The following CHRNA9 variants were observed in gnomAD, a reference collection of about 807,000 sequenced individuals.
CHRNA9 encodes cholinergic receptor nicotinic alpha 9 subunit.
CHRNA9 carries 24 observed loss-of-function variants against 36.8 expected under a neutral mutation model. That is an observed-to-expected ratio of 0.65 (90% confidence interval 0.47 to 0.92). The LOEUF (loss-of-function observed/expected upper bound fraction) is 0.92, where lower values mean the gene tolerates loss of function less well. CHRNA9 is among the 40% of genes least tolerant of loss of function. The pLI is 0.00. For missense variants in CHRNA9, 610 were observed against 601.2 expected, an observed-to-expected ratio of 1.01 and a Z score of -0.15; for synonymous variants, 231 against 231.8, an observed-to-expected ratio of 1.00 and a Z score of 0.03.
At chr4:40,337,054 C>T (rs1712343440) in intron 2 of CHRNA9, among the ~76,000 whole-genome samples, 156 bp from the exon 3 acceptor site, 1 of 152,126 alleles carries the variant, frequency 6.6e-6, no homozygotes, top group Non-Finnish European at 1.5e-5. Context: ...GGCAGTCAAT[C>T]AAGGGGATAG....
rs1712371437 is a variant in CHRNA9, at chr4:40,337,805, G to A, written c.365+441G>A. On this transcript the variant is annotated intron_variant, in intron 3 of 4. Transcript: ENST00000310169. ...AATGGTGGTTTGCTGGCAGTCTTTG[G>A]TGTTCTTGGCATTATAGAAGCGTCA... 1.3e-5 allele frequency among the ~76,000 whole-genome samples: 2 copies of A among 152,108 alleles called. 1 individual carries two copies. Among genetic ancestry groups the A allele is most frequent in the South Asian group, 4.2e-4 (2 of 4,814 alleles).
chr4:40,339,057 C>T (rs902779852), intron 3 of CHRNA9, among the ~76,000 whole-genome samples: 1 of 152,130 alleles, frequency 6.6e-6, no homozygotes, highest in East Asian at 1.9e-4. Flanking sequence ...GCAGGTGGAT[C>T]GCCTGAGGTC....
intron 3 of CHRNA9, among the ~76,000 whole-genome samples, chr4:40,340,572 C>T (rs1712470453): frequency 6.6e-6 from 1 of 152,148 alleles, no homozygotes; most frequent in Non-Finnish European, 1.5e-5. Flanking sequence ...GATACAATAT[C>T]ATTGCTTCTC....
At chr4:40,336,743 G>A (rs1387052027) in intron 2 of CHRNA9, among the ~76,000 whole-genome samples, 1 of 152,096 alleles carries the variant, frequency 6.6e-6, no homozygotes, top group African/African-American at 2.4e-5. Flanking sequence ...GCCTCCCAAA[G>A]TGCTGGGATT....
Position 40,343,177 on chromosome 4 carries a change from T to C in CHRNA9, c.366-5705T>C, listed in dbSNP as rs140161732. On this transcript the variant is annotated intron_variant, in intron 3 of 4. Coordinates refer to ENST00000310169, the MANE Select transcript of CHRNA9 (RefSeq NM_017581.4). ...GGCTGGGAAAGTCATTTTCGCTCAA[T>C]TGCAAAACAACTAAAGTTAGCTCAG... is the stretch of plus-strand genomic sequence containing the variant. Among the ~76,000 whole-genome samples the C allele has an allele frequency of 8.5e-4, 129 of 152,278 alleles. 1 individual carries two copies. The highest frequency in any genetic ancestry group is 3.0e-3 in the African/African-American group (123 of 41,552).
intron 3 of CHRNA9, among the ~76,000 whole-genome samples, chr4:40,345,589 A>G (rs1180380843): frequency 1.3e-5 from 2 of 151,928 alleles, no homozygotes; most frequent in African/African-American, 4.8e-5. Context: ...GTGCGTGCCT[A>G]TAATTCCAGC....
intron 4 of CHRNA9, among the ~76,000 whole-genome samples, chr4:40,350,693 T>TACACACACAC (rs59972613): frequency 0.2 from 28,625 of 143,752 alleles, 2,915 homozygotes; most frequent in East Asian, 0.24. Flanking sequence ...CTTTGCAAAA[T>TACACACACAC]ACACACACAC....
At chr4:40,353,639 T>A (rs1221164696) in intron 4 of CHRNA9, among the ~76,000 whole-genome samples, 2 of 152,222 alleles carry the variant, frequency 1.3e-5, no homozygotes, top group Admixed American at 6.5e-5. Flanking sequence ...AATGGTCCCA[T>A]AAGATTATAA....
At chr4:40,348,404 T>A (rs953694913) in intron 3 of CHRNA9, among the ~76,000 whole-genome samples, 1 of 152,216 alleles carries the variant, frequency 6.6e-6, no homozygotes, top group Non-Finnish European at 1.5e-5. Context: ...ACAACTTTTT[T>A]TCTCTGAGTT....
At chr4:40,342,496 T>C (rs572226360) in intron 3 of CHRNA9, among the ~76,000 whole-genome samples, 1 of 152,030 alleles carries the variant, frequency 6.6e-6, no homozygotes, top group Admixed American at 6.6e-5. Flanking sequence ...AACTTAGAAT[T>C]AGTAGTTAAA....
intron 3 of CHRNA9, among the ~76,000 whole-genome samples, chr4:40,344,809 T>TA (rs1165862076): frequency 6.6e-6 from 1 of 152,144 alleles, no homozygotes; most frequent in South Asian, 2.1e-4. Context: ...GCTATATATG[T>TA]AAAAACTATA....
intron 4 of CHRNA9, among the ~76,000 whole-genome samples, chr4:40,352,875 T>TG (rs1346350482): frequency 1.3e-5 from 2 of 151,830 alleles, no homozygotes; most frequent in Middle Eastern, 3.2e-3. Context: ...TTCTGAGAAC[T>TG]GGTCAAGTTC....
intron 3 of CHRNA9, among the ~76,000 whole-genome samples, chr4:40,337,784 G>A (rs1243158313): frequency 2.0e-5 from 3 of 152,160 alleles, no homozygotes; most frequent in East Asian, 1.9e-4. Flanking sequence ...CTAGCTAATG[G>A]TGGTTTGCTG....
intron 4 of CHRNA9, among the ~76,000 whole-genome samples, chr4:40,350,715 C>CACACACACACAT (rs1002104672): frequency 6.6e-6 from 1 of 151,554 alleles, no homozygotes; most frequent in Non-Finnish European, 1.5e-5. Context: ...CACACACACA[C>CACACACACACAT]ACACACACAC....
In CHRNA9 at chr4:40,354,187, C is replaced by T. The variant is rs1044269755; in HGVS notation, c.1107C>T (p.His369=). 6.2e-7 allele frequency: 1 copy of T among 1,614,060 alleles called. No homozygotes were observed. Among genetic ancestry groups the T allele is most frequent in the Non-Finnish European group, 8.5e-7 (1 of 1,180,046 alleles). The change falls in exon 5 of 5, where the codon CAC becomes CAT. Residue 369 remains histidine (H), a synonymous_variant. Transcript: ENST00000310169. The part of the protein sequence containing the change: ...LSPHHSRERD[H]LTKVYSKLPE... ...CGCACCACAGTAGAGAGCGGGACCACCTCACGAAAGTTTATAGCAAACTCC... is the reference window on the plus strand; with the variant it reads ...CGCACCACAGTAGAGAGCGGGACCATCTCACGAAAGTTTATAGCAAACTCC...
intron 3 of CHRNA9, among the ~76,000 whole-genome samples, chr4:40,340,973 C>CAA (rs543449903): frequency 0.045 from 2,902 of 64,734 alleles, 204 homozygotes; most frequent in African/African-American, 0.11. Flanking sequence ...ATAAGCTCTC[C>CAA]AAAAAAAAAA....
rs373470519 is a variant in CHRNA9 at position 40,337,325 on chromosome 4, G to C, written c.326G>C (p.Ser109Thr). ...YDGLDSIRIP[S>T]DLVWRPDIVL... ...GGCCTAGACTCCATCAGGATCCCCA[G>C]TGACCTCGTGTGGAGGCCAGACATC... is the stretch of plus-strand genomic sequence containing the variant. The change falls in exon 3 of 5, where the codon AGT becomes ACT. Residue 109 changes from serine (S) to threonine (T), a missense_variant. Ser to Thr is a moderately conservative substitution (Grantham distance 58). Coordinates refer to ENST00000310169, the MANE Select transcript of CHRNA9 (RefSeq NM_017581.4). 2.4e-5 allele frequency: 39 copies of C among 1,614,122 alleles called. No homozygotes were observed. In the African/African-American group the frequency reaches 4.0e-4, roughly 17 times the overall value.
In CHRNA9 at chr4:40,346,814, T is replaced by G. The variant is rs190882632; in HGVS notation, c.366-2068T>G. 4.6e-5 allele frequency among the ~76,000 whole-genome samples: 7 copies of G among 152,082 alleles called. No individual in the cohort carries two copies. The East Asian group carries it at 7.7e-4, about 17-fold the overall frequency. On this transcript the variant is annotated intron_variant, in intron 3 of 4. Transcript: ENST00000310169. ...GACATATATTATTTTATTTTATTTTTTTGTTGTTGTTGTTGAGATGGAGTC... is the reference window on the plus strand; with the variant it reads ...GACATATATTATTTTATTTTATTTTGTTGTTGTTGTTGTTGAGATGGAGTC...
At position 40,335,958 on chromosome 4, in the gene CHRNA9, C is replaced by A; in HGVS notation, c.196C>A (p.Gln66Lys). ...LNVTLQITLSQIKDMDERNQI... is the reference protein window; with the variant it reads ...LNVTLQITLSKIKDMDERNQI... ...TGTGACCCTGCAGATTACGCTCTCTCAGATTAAGGATATGGTGAGTAACAC... is the reference window on the plus strand; with the variant it reads ...TGTGACCCTGCAGATTACGCTCTCTAAGATTAAGGATATGGTGAGTAACAC... Residue 66 changes from glutamine (Q) to lysine (K), a missense_variant, in exon 2 of 5, where the codon CAG becomes AAG. By Grantham distance (53) the Gln-to-Lys change is moderately conservative (BLOSUM62 1). Transcript: ENST00000310169. 6.2e-7 allele frequency: 1 copy of A among 1,612,776 alleles called. No homozygotes were observed. The highest frequency in any genetic ancestry group is 1.1e-5 in the South Asian group (1 of 91,016).
Sources: allele counts gnomAD v4.1 joint callset (sites outside exome capture counted in the v4.1 genomes callset), GRCh38; gene constraint gnomAD v4.1.1; transcripts MANE v1.5; gene names NCBI Gene and HGNC (gene_info 2026-07-23, HGNC 2026-07-21).